GLDC: variants seen among roughly 807,000 people sequenced by gnomAD.
GLDC encodes the protein glycine dehydrogenase (decarboxylating), mitochondrial.
In GLDC, 104 loss-of-function variants were observed where a neutral mutation model predicts 121.3. The ratio of observed to expected loss-of-function variants is 0.86; its 90% CI spans 0.73 to 1.01. The LOEUF (loss-of-function observed/expected upper bound fraction) is 1.01. Ranked by LOEUF, GLDC falls within the 50% of genes least tolerant of loss-of-function variation. The pLI, the probability that GLDC is intolerant of heterozygous loss-of-function variation, is 0.00. For synonymous variants in GLDC, 546 were observed against 480.6 expected (o/e 1.14, Z -1.78); for missense variants, 1,429 against 1,306.6 (o/e 1.09, Z -1.44).
At chr9:6,545,228 T>A (rs1817362987) in intron 21 of GLDC, among the ~76,000 whole-genome samples, 1 of 152,154 alleles carries the variant, frequency 6.6e-6, no homozygotes, top group Non-Finnish European at 1.5e-5. Context: ...GTGAGATGAC[T>A]TTGTCATTGT....
At position 6,595,062 on chromosome 9, in the gene GLDC, C is replaced by T; in HGVS notation, c.1213G>A (p.Glu405Lys). Residue 405 changes from glutamate to lysine, a missense_variant, in exon 9 of 25, where the codon GAG becomes AAG. Physicochemically the swap from Glu to Lys is moderately conservative, Grantham distance 56 (BLOSUM62 1). Coordinates refer to ENST00000321612, the MANE Select transcript of GLDC (RefSeq NM_000170.3). ...TTATGTACCCTCCTAGCAATATGCT[C>T]CAGCCCATGGGAACCATGGTAGATT... Reference protein sequence around the residue: ...FAIYHGSHGLEHIARRVHNAT... With the variant: ...FAIYHGSHGLKHIARRVHNAT... 6.2e-7 allele frequency: 1 copy of T among 1,613,416 alleles called. No individual in the cohort carries two copies. Among genetic ancestry groups the T allele is most frequent in the Non-Finnish European group, 8.5e-7 (1 of 1,179,384 alleles).
intron 9 of GLDC, 85 bp from the exon 10 acceptor site, chr9:6,593,075 A>C: frequency 2.1e-6 from 3 of 1,424,906 alleles, no homozygotes; most frequent in Non-Finnish European, 3.0e-6. Flanking sequence ...TAAAGAGATA[A>C]ATTCTACTAG....
chr9:6,575,644 A>T (rs1300509970), intron 15 of GLDC, among the ~76,000 whole-genome samples: 2 of 152,250 alleles, frequency 1.3e-5, no homozygotes, highest in Non-Finnish European at 2.9e-5. Context: ...CTACATTAAC[A>T]ATCACAGTTT....
chr9:6,567,649 C>G (rs1396954753), intron 15 of GLDC, among the ~76,000 whole-genome samples: 1 of 152,212 alleles, frequency 6.6e-6, no homozygotes, highest in Non-Finnish European at 1.5e-5. Flanking sequence ...ATTCCAAGAA[C>G]ACTGACATAA....
At chr9:6,599,215 T>C (rs1587955929) in intron 8 of GLDC, among the ~76,000 whole-genome samples, 1 of 148,552 alleles carries the variant, frequency 6.7e-6, no homozygotes, top group Admixed American at 6.7e-5. Flanking sequence ...AACAGGAACA[T>C]AACTGGTTCA....
chr9:6,636,419 G>T (rs1819503896), intron 2 of GLDC, among the ~76,000 whole-genome samples: 1 of 152,180 alleles, frequency 6.6e-6, no homozygotes, highest in African/African-American at 2.4e-5. Flanking sequence ...TGGAGGCAGT[G>T]GGTTTAATGG....
chr9:6,540,555 C>A (rs1228325483), intron 21 of GLDC: 3 of 203,736 alleles, frequency 1.5e-5, no homozygotes, highest in Non-Finnish European at 3.0e-5. Flanking sequence ...GAGCCATTGA[C>A]ACTTTTCAGC....
Position 6,558,530 on chromosome 9 carries a change from C to A in GLDC, c.2052+29G>T, listed in dbSNP as rs775672615. 9 of 1,613,572 alleles carry A rather than the reference C, an allele frequency of 5.6e-6. No homozygotes were observed. The Admixed American group carries it at 1.3e-4, about 24-fold the overall frequency. ...CCACCAGCACTCCCCATCCCGGCCT[C>A]TCCCATCTGCTAAGGAGAAGACAAG... On this transcript the variant is annotated intron_variant, in intron 17 of 24. Transcript: ENST00000321612.
chr9:6,600,144 A>C (rs1462229281), intron 8 of GLDC, among the ~76,000 whole-genome samples: 1 of 152,192 alleles, frequency 6.6e-6, no homozygotes, highest in East Asian at 1.9e-4. Context: ...AGATAGGATC[A>C]CTTGAGCTCA....
chr9:6,538,499 T>C (rs1229768934), intron 22 of GLDC, among the ~76,000 whole-genome samples: 1 of 152,246 alleles, frequency 6.6e-6, no homozygotes, highest in African/African-American at 2.4e-5. Context: ...AACTGTGTTG[T>C]CATGTTCATT....
intron 7 of GLDC, among the ~76,000 whole-genome samples, chr9:6,603,441 T>C (rs1270519402): frequency 1.3e-5 from 2 of 148,358 alleles, no homozygotes; most frequent in Non-Finnish European, 3.0e-5. Context: ...GAAACCCTGT[T>C]TTTACAAAAA....
intron 3 of GLDC, among the ~76,000 whole-genome samples, chr9:6,619,875 C>T (rs1285300455): frequency 6.6e-6 from 1 of 152,148 alleles, no homozygotes; most frequent in Non-Finnish European, 1.5e-5. Context: ...TGCCCACCTG[C>T]AGGTTTCACA....
intron 3 of GLDC, among the ~76,000 whole-genome samples, chr9:6,618,388 A>T (rs1386590814): frequency 6.6e-6 from 1 of 151,776 alleles, no homozygotes; most frequent in East Asian, 1.9e-4. Context: ...GCTCACCACA[A>T]CCTCCACCTC....
At chr9:6,640,983 A>T (rs185877198) in intron 2 of GLDC, among the ~76,000 whole-genome samples, 9 of 152,310 alleles carry the variant, frequency 5.9e-5, no homozygotes, top group Admixed American at 1.3e-4. Context: ...GTGCGTGTGG[A>T]TGGGGAATGC....
chr9:6,576,735 G>A (rs1045751048), intron 15 of GLDC, among the ~76,000 whole-genome samples: 1 of 152,152 alleles, frequency 6.6e-6, no homozygotes, highest in African/African-American at 2.4e-5. Context: ...CCAAAGTGCT[G>A]GGATTACAGG....
At chr9:6,565,953 A>C in intron 15 of GLDC, 1 of 203,096 alleles carries the variant, frequency 4.9e-6, no homozygotes, top group African/African-American at 2.4e-5. Flanking sequence ...TTAAAAATAT[A>C]ACTACAGGCC....
chr9:6,610,429 G>A, intron 3 of GLDC, 73 bp from the exon 4 acceptor site: 1 of 1,443,010 alleles, frequency 6.9e-7, no homozygotes, highest in Non-Finnish European at 9.7e-7. Context: ...TATCATTTCA[G>A]AATTCAGTAC....
At chr9:6,634,077 G>T (rs917460109) in intron 2 of GLDC, among the ~76,000 whole-genome samples, 1 of 151,770 alleles carries the variant, frequency 6.6e-6, no homozygotes. Context: ...TGATCCACCC[G>T]CCTCAGCCTC....
intron 15 of GLDC, among the ~76,000 whole-genome samples, chr9:6,584,598 C>T (rs963914332): frequency 2.0e-5 from 3 of 152,092 alleles, no homozygotes; most frequent in East Asian, 1.9e-4. Flanking sequence ...CTTTTTTCTG[C>T]GAATTAAGAC....
Sources: gnomAD v4.1 joint callset for allele counts (sites outside exome capture counted in the v4.1 genomes callset) on GRCh38, gnomAD v4.1.1 for gene constraint, MANE v1.5 for transcripts, NCBI Gene and HGNC (gene_info 2026-07-23, HGNC 2026-07-21) for gene names.